Variants in GLB1 observed in about 807,000 individuals in gnomAD.
GLB1 encodes the protein galactosidase beta 1.
Under a neutral mutation model 74.0 loss-of-function variants are expected in GLB1, and 56 were observed. The observed-to-expected ratio is 0.76, with a 90% CI of 0.61 to 0.94. The LOEUF is 0.94. Among genes scored for constraint, GLB1 ranks in the 40% least tolerant of loss-of-function variants. The pLI, the probability that GLB1 is intolerant of heterozygous loss-of-function variation, is 0.00. For synonymous variants in GLB1, 323 were observed against 323.6 expected (o/e 1.00, Z 0.02); for missense variants, 787 against 845.5 (o/e 0.93, Z 0.86).
At position 33,016,813 on chromosome 3, in the gene GLB1, T is replaced by C; in HGVS notation, c.1375A>G (p.Asn459Asp). The change falls in exon 14 of 16, where the codon AAT (asparagine) becomes GAT (aspartate). Residue 459 changes from asparagine to aspartate, a missense_variant. Physicochemically the swap from Asn to Asp is conservative, Grantham distance 23. Transcript: ENST00000307363. ...GIPQGVLERN[N>D]VITLNITGKA... ...CCTGTTATGTTCAGAGTGATCACAT[T>C]GTTTCGCTCAAGGACTCCCTGGGGG... The C allele has an allele frequency of 6.2e-7, 1 of 1,614,152 alleles. No homozygotes were observed. The highest frequency in any genetic ancestry group is 8.5e-7 in the Non-Finnish European group (1 of 1,179,994).
chr3:32,984,256 C>A, the GLB1 span, among the ~76,000 whole-genome samples: 1 of 151,960 alleles, frequency 6.6e-6, no homozygotes, highest in Non-Finnish European at 1.5e-5. Context: ...TGTCCCTACA[C>A]CCCCCTGAGA....
intron 6 of GLB1, 42 bp downstream of exon 6, chr3:33,058,047 A>G (rs886038291): frequency 6.2e-7 from 1 of 1,611,622 alleles, no homozygotes; most frequent in African/African-American, 1.3e-5. Context: ...CTGAGTAAAA[A>G]GCTGATTTTA....
chr3:32,993,629 C>T (rs962361877), downstream of GLB1, among the ~76,000 whole-genome samples: 3 of 149,712 alleles, frequency 2.0e-5, no homozygotes, highest in African/African-American at 7.4e-5. Flanking sequence ...CCGCCTCCCG[C>T]TTTCAGGCAA....
chr3:33,070,607 G>A (rs1699855778), intron 2 of GLB1, among the ~76,000 whole-genome samples: 1 of 152,208 alleles, frequency 6.6e-6, no homozygotes, highest in Admixed American at 6.5e-5. Context: ...ACTCTGGGAG[G>A]CCAAAGCAGT....
chr3:33,020,773 C>A (rs1213952848), intron 12 of GLB1, among the ~76,000 whole-genome samples: 1 of 152,120 alleles, frequency 6.6e-6, no homozygotes, highest in Non-Finnish European at 1.5e-5. Context: ...TATTAAATTT[C>A]TCATGTGTGA....
chr3:33,058,221 G>A lies in GLB1; in HGVS notation c.601C>T (p.Arg201Cys), dbSNP rs72555360. 7.3e-5 allele frequency: 118 copies of A among 1,614,140 alleles called. No individual in the cohort carries two copies. Among genetic ancestry groups the A allele is most frequent in the Middle Eastern group, 1.6e-4 (1 of 6,062 alleles). Reference sequence around the variant, plus strand: ...TGGCGAAAGCGCTTCTGCAGGAAGCGCAGGTAGTCAAAATCACAGGCAAAG... The same window carrying A: ...TGGCGAAAGCGCTTCTGCAGGAAGCACAGGTAGTCAAAATCACAGGCAAAG... ...SYFACDFDYLRFLQKRFRHHL... is the reference protein window; with the variant it reads ...SYFACDFDYLCFLQKRFRHHL... The change falls in exon 6 of 16, where the codon CGC becomes TGC. Residue 201 changes from arginine (R) to cysteine (C), a missense_variant. Coordinates refer to ENST00000307363, the MANE Select transcript of GLB1 (RefSeq NM_000404.4).
At chr3:33,045,624 A>G in intron 10 of GLB1, 2 of 991,070 alleles carry the variant, frequency 2.0e-6, no homozygotes, top group Non-Finnish European at 2.4e-6. Flanking sequence ...AAGAAACCAG[A>G]GCTTAGCTTT....
intron 7 of GLB1, among the ~76,000 whole-genome samples, chr3:33,052,461 A>G (rs1420015440): frequency 6.6e-6 from 1 of 152,114 alleles, no homozygotes; most frequent in Non-Finnish European, 1.5e-5. Context: ...GTGAAACCCC[A>G]TCTCAACTAA....
chr3:33,011,431 C>T (rs1033961253), intron 15 of GLB1, among the ~76,000 whole-genome samples: 1 of 147,738 alleles, frequency 6.8e-6, no homozygotes, highest in Non-Finnish European at 1.5e-5. Context: ...ATGATGAAAC[C>T]CCGTCTCCAA....
chr3:33,024,329 T>C lies in GLB1; in HGVS notation c.1069-4A>G, dbSNP rs781267265. On this transcript the variant is annotated splice_region_variant and splice_polypyrimidine_tract_variant and intron_variant, in intron 10 of 15. Transcript: ENST00000307363. ...GACCTTCTGGTACTTTTTCAAACTA[T>C]AAACCAGAGTAGAAAAAGAGAGAAA... 164 of 1,611,058 alleles carry C rather than the reference T, an allele frequency of 1.0e-4. No individual in the cohort carries two copies. The highest frequency in any genetic ancestry group is 1.3e-4 in the Non-Finnish European group (158 of 1,179,398).
At chr3:33,012,580 C>G (rs1401436463) in intron 15 of GLB1, among the ~76,000 whole-genome samples, 4 of 152,172 alleles carry the variant, frequency 2.6e-5, no homozygotes, top group Admixed American at 6.5e-5. Context: ...AAATAAATGC[C>G]TGTTGTTTAT....
At chr3:32,973,090 C>G in the GLB1 span, among the ~76,000 whole-genome samples, 2 of 152,218 alleles carry the variant, frequency 1.3e-5, no homozygotes, top group African/African-American at 4.8e-5. Context: ...CCCTCACCCA[C>G]GAAATGCTTA....
At chr3:33,048,900 T>C (rs1698855355) in intron 9 of GLB1, among the ~76,000 whole-genome samples, 1 of 152,148 alleles carries the variant, frequency 6.6e-6, no homozygotes, top group South Asian at 2.1e-4. Flanking sequence ...TGATAATCTC[T>C]AATTAAGATG....
At chr3:32,987,404 T>C in the GLB1 span, among the ~76,000 whole-genome samples, 3 of 152,218 alleles carry the variant, frequency 2.0e-5, no homozygotes, top group African/African-American at 7.2e-5. Context: ...CTTGCTTACC[T>C]TTACTCTCTT....
chr3:33,051,178 A>T (rs1355186197), intron 9 of GLB1, among the ~76,000 whole-genome samples: 2 of 143,904 alleles, frequency 1.4e-5, no homozygotes, highest in African/African-American at 2.6e-5. Context: ...GCTTGCAGTG[A>T]GCCAAGATTT....
At chr3:33,091,419 T>A in intron 1 of GLB1, 1 of 985,478 alleles carries the variant, frequency 1.0e-6, no homozygotes, top group Non-Finnish European at 1.2e-6. Flanking sequence ...CTTTGACACA[T>A]CACCTGCCCC....
chr3:33,005,899 T>C (rs1696769841), intron 15 of GLB1, among the ~76,000 whole-genome samples: 1 of 152,206 alleles, frequency 6.6e-6, no homozygotes, highest in East Asian at 1.9e-4. Flanking sequence ...ATCTTGAAGG[T>C]GGGACAATTT....
At chr3:33,029,229 A>C (rs1355563481) in intron 10 of GLB1, among the ~76,000 whole-genome samples, 2 of 152,204 alleles carry the variant, frequency 1.3e-5, no homozygotes, top group African/African-American at 4.8e-5. Context: ...TTCCATAATA[A>C]TTTGTGCTTT....
the GLB1 span, among the ~76,000 whole-genome samples, chr3:32,981,633 G>T: frequency 1.3e-5 from 2 of 151,736 alleles, no homozygotes; most frequent in East Asian, 3.9e-4. Flanking sequence ...AATTAGCCAG[G>T]CGTCATGGCG....
Sources: gnomAD v4.1 joint callset for allele counts (sites outside exome capture counted in the v4.1 genomes callset) on GRCh38, gnomAD v4.1.1 for gene constraint, MANE v1.5 for transcripts, NCBI Gene and HGNC (gene_info 2026-07-23, HGNC 2026-07-21) for gene names.